The following ATP10A variants were observed in gnomAD, a reference collection of about 807,000 sequenced individuals.
ATP10A encodes the protein ATPase phospholipid transporting 10A (putative).
A neutral mutation model predicts 147.8 loss-of-function variants in ATP10A; 111 were observed. The ratio of observed to expected loss-of-function variants is 0.75; its 90% CI spans 0.64 to 0.88. The LOEUF is 0.88. Among genes scored for constraint, ATP10A ranks in the 40% least tolerant of loss-of-function variants. ATP10A has a pLI of 0.00. For synonymous variants in ATP10A, 875 were observed against 841.6 expected (o/e 1.04, Z -0.69); for missense variants, 1,927 against 1,959.0 (o/e 0.98, Z 0.31).
intron 1 of ATP10A, among the ~76,000 whole-genome samples, chr15:25,798,528 T>C (rs1298619694): frequency 6.6e-6 from 1 of 152,192 alleles, no homozygotes; most frequent in African/African-American, 2.4e-5. Context: ...TTGTGTGTAA[T>C]TAAATGACCC....
At chr15:25,673,167 A>C (rs1006042561), downstream of ATP10A, among the ~76,000 whole-genome samples, 16 of 151,996 alleles carry the variant, frequency 1.1e-4, no homozygotes, top group Non-Finnish European at 2.1e-4. Flanking sequence ...CTGGAATCTC[A>C]TTCCAACGTG....
At chr15:25,732,218 A>G (rs1321020175) in intron 3 of ATP10A, among the ~76,000 whole-genome samples, 1 of 152,034 alleles carries the variant, frequency 6.6e-6, no homozygotes, top group East Asian at 1.9e-4. Flanking sequence ...TACCACCACC[A>G]GCTAATATGA....
At chr15:25,793,636 C>G (rs1890536217) in intron 1 of ATP10A, among the ~76,000 whole-genome samples, 2 of 152,220 alleles carry the variant, frequency 1.3e-5, no homozygotes, top group Non-Finnish European at 2.9e-5. Context: ...TGAGTGGTTA[C>G]TATTTTGGTT....
intron 2 of ATP10A, among the ~76,000 whole-genome samples, chr15:25,780,602 G>C (rs1013257054): frequency 6.6e-6 from 1 of 152,168 alleles, no homozygotes; most frequent in Non-Finnish European, 1.5e-5. Flanking sequence ...CGAAGACCTC[G>C]CGCTGAACCC....
chr15:25,706,501 G>A (rs750155613), intron 12 of ATP10A, among the ~76,000 whole-genome samples: 2 of 152,198 alleles, frequency 1.3e-5, no homozygotes, highest in Non-Finnish European at 2.9e-5. Context: ...CAGGCTGTCC[G>A]ATCAGCCTGC....
chr15:25,740,409 G>T (rs905719401), intron 2 of ATP10A, among the ~76,000 whole-genome samples: 1 of 152,230 alleles, frequency 6.6e-6, no homozygotes, highest in Non-Finnish European at 1.5e-5. Context: ...GAGGCCACCT[G>T]TCTGGGTCTC....
chr15:25,817,674 A>C (rs562096150), intron 1 of ATP10A, among the ~76,000 whole-genome samples: 1 of 152,188 alleles, frequency 6.6e-6, no homozygotes, highest in Non-Finnish European at 1.5e-5. Context: ...CTGGGAGGAC[A>C]CTGATCATCA....
At chr15:25,784,069 G>A (rs1303136058) in intron 1 of ATP10A, among the ~76,000 whole-genome samples, 2 of 152,238 alleles carry the variant, frequency 1.3e-5, no homozygotes, top group Admixed American at 6.5e-5. Flanking sequence ...TTTTCCAAAG[G>A]TCAAGCCTTG....
chr15:25,725,092 T>C (rs1046762850), intron 5 of ATP10A, among the ~76,000 whole-genome samples: 11 of 152,230 alleles, frequency 7.2e-5, no homozygotes, highest in African/African-American at 2.6e-4. Flanking sequence ...CATTCCCACC[T>C]GAGCCCCGTC....
chr15:25,780,463 G>A (rs933575656), intron 2 of ATP10A, among the ~76,000 whole-genome samples: 2 of 152,202 alleles, frequency 1.3e-5, no homozygotes, highest in East Asian at 3.9e-4. Flanking sequence ...TTTCTCCCTG[G>A]AGCAGGGACA....
Position 25,713,929 on chromosome 15 carries a change from T to A in ATP10A, c.2089A>T (p.Ser697Cys), listed in dbSNP as rs1161963394. Residue 697 changes from serine (S) to cysteine (C), a missense_variant, in exon 10 of 21, where the codon AGC (serine) becomes TGC (cysteine). Transcript: ENST00000555815. ...TACACCAGTGCGGCCTCATCCGGGC[T>A]CTCCGCCTCGTACCGCAGCTCGCGC... ...SERELRYEAE[S>C]PDEAALVYAA... 2 of 1,612,324 alleles carry A rather than the reference T, an allele frequency of 1.2e-6. No homozygotes were observed. The highest frequency in any genetic ancestry group is 2.2e-5 in the South Asian group (2 of 91,080).
intron 2 of ATP10A, among the ~76,000 whole-genome samples, chr15:25,741,918 A>T (rs1043511027): frequency 1.3e-5 from 2 of 152,248 alleles, no homozygotes; most frequent in African/African-American, 4.8e-5. Context: ...CGTACAAGGA[A>T]ACTTAACTCA....
At position 25,862,556 on chromosome 15, in the gene ATP10A, C is replaced by T. The variant is rs1893809832; in HGVS notation, c.449+92G>A. On this transcript the variant is annotated intron_variant, in intron 1 of 20. Transcript: ENST00000555815. ...TGAGTGGAGCTGCCTTCTAAGCACCCAGCCCCTGCCAATCACTGTGCCCAA... is the reference window on the plus strand; with the variant it reads ...TGAGTGGAGCTGCCTTCTAAGCACCTAGCCCCTGCCAATCACTGTGCCCAA... 3.7e-6 allele frequency: 5 copies of T among 1,354,856 alleles called. No homozygotes were observed. The South Asian group carries it at 7.4e-5, about 20-fold the overall frequency. 83.9% of individuals were successfully genotyped at this position (1,354,856 alleles called of 1,614,324 possible).
intron 16 of ATP10A, chr15:25,683,787 T>C (rs1899558723): frequency 2.4e-6 from 1 of 418,672 alleles, no homozygotes. Flanking sequence ...TCTGGATCAT[T>C]AACATAAAAC....
intron 7 of ATP10A, among the ~76,000 whole-genome samples, chr15:25,720,886 G>T (rs1246983323): frequency 6.6e-6 from 1 of 152,180 alleles, no homozygotes; most frequent in African/African-American, 2.4e-5. Flanking sequence ...AGTCATGCCC[G>T]CTTGCGTTCC....
chr15:25,719,974 C>T (rs1332578907), intron 7 of ATP10A, among the ~76,000 whole-genome samples: 2 of 152,110 alleles, frequency 1.3e-5, no homozygotes, highest in African/African-American at 4.8e-5. Context: ...CTAGCTGATC[C>T]AGGCACTTCT....
chr15:25,807,161 T>C (rs574726664), intron 1 of ATP10A, among the ~76,000 whole-genome samples: 1 of 152,244 alleles, frequency 6.6e-6, no homozygotes. Context: ...TCTCCCCTGG[T>C]GGCATCCTTA....
chr15:25,771,149 C>T (rs1021018430), intron 2 of ATP10A, among the ~76,000 whole-genome samples: 2 of 152,120 alleles, frequency 1.3e-5, no homozygotes, highest in Admixed American at 6.5e-5. Flanking sequence ...GGCTCTGGGT[C>T]TCTTCTTCGG....
At position 25,862,923 on chromosome 15, in the gene ATP10A, G is replaced by A. The variant is rs776386284; in HGVS notation, c.174C>T (p.His58=). 1.2e-6 allele frequency: 2 copies of A among 1,600,468 alleles called. No homozygotes were observed. Among genetic ancestry groups the A allele is most frequent in the Non-Finnish European group, 8.5e-7 (1 of 1,175,158 alleles). ...TAGTCTTGAGCCGGTTGTCGGCCAG[G>A]TGCTGGGCACACCCGCGCCGCCGTC... ...ERRRRRGCAQ[H]LADNRLKTTK... The change falls in exon 1 of 21, where the codon CAC becomes CAT. Residue 58 remains histidine, a synonymous_variant. Coordinates refer to ENST00000555815, the MANE Select transcript of ATP10A (RefSeq NM_024490.4).
Sources: gnomAD v4.1 joint callset for allele counts (sites outside exome capture counted in the v4.1 genomes callset) on GRCh38, gnomAD v4.1.1 for gene constraint, MANE v1.5 for transcripts, NCBI Gene and HGNC (gene_info 2026-07-23, HGNC 2026-07-21) for gene names.